The following PSMB9 variants were observed in gnomAD, a reference collection of about 807,000 sequenced individuals.
PSMB9 encodes proteasome subunit beta type-9.
In PSMB9, 16 loss-of-function variants were observed where a neutral mutation model predicts 26.9. The ratio of observed to expected loss-of-function variants is 0.59; its 90% confidence interval spans 0.40 to 0.90. The LOEUF (loss-of-function observed/expected upper bound fraction) is 0.90. Ranked by LOEUF, PSMB9 falls within the 40% of genes least tolerant of loss-of-function variation. PSMB9 has a pLI of 0.00. For missense variants in PSMB9, 253 were observed against 292.2 expected, an observed-to-expected ratio of 0.87 and a Z score of 0.98; for synonymous variants, 91 against 112.0, an observed-to-expected ratio of 0.81 and a Z score of 1.18.
Position 32,859,577 on chromosome 6 carries a change from G to A in PSMB9, c.*45G>A, listed in dbSNP as rs201336055. On this transcript the variant is annotated 3_prime_UTR_variant, in exon 6 of 6. Coordinates refer to ENST00000374859, the MANE Select transcript of PSMB9 (RefSeq NM_002800.5). ...TTCTTATTTTGTAATAAACTCTCTA[G>A]GGCCAAAACCTGGTATGGTCATTGG... The A allele has an allele frequency of 1.3e-6, 2 of 1,594,960 alleles. No homozygotes were observed. Among genetic ancestry groups the A allele is most frequent in the African/African-American group, 1.3e-5 (1 of 74,596 alleles).
chr6:32,857,190 G>T (rs1771195379), intron 2 of PSMB9, 73 bp from the exon 3 acceptor site: 1 of 1,441,226 alleles, frequency 6.9e-7, no homozygotes. Flanking sequence ...GACAGAGTGA[G>T]ACTGTCTCAA....
In PSMB9 at chr6:32,858,602, T is replaced by G. The variant is rs2127399689; in HGVS notation, c.532+97T>G. ...GGAAGAGAAATACAGGGGTGGCCAT[T>G]TAAGTTAATGCCGGGCCTGGTACAC... On this transcript the variant is annotated intron_variant, in intron 5 of 5. Coordinates refer to ENST00000374859, the MANE Select transcript of PSMB9 (RefSeq NM_002800.5). The surrounding 1 kb of genome is among the most constrained non-coding windows in gnomAD (Gnocchi z 5.2). 1 of 1,515,748 alleles carries G rather than the reference T, an allele frequency of 6.6e-7. No homozygotes were observed. Among genetic ancestry groups the G allele is most frequent in the East Asian group, 2.3e-5 (1 of 44,138 alleles). The allele number at this position is 1,515,748 out of a possible 1,614,324, so 93.9% of individuals were successfully genotyped here.
Position 32,858,230 on chromosome 6 carries a change from G to A in PSMB9, c.390+96G>A. On this transcript the variant is annotated intron_variant, in intron 4 of 5. Transcript: ENST00000374859. This position sits in a 1 kb window ranked among gnomAD's most constrained non-coding sequence, Gnocchi z 5.2. ...TGTCATTCTAGCAATGAGTTCCAAGGACACTACCTCTGAAAGCATAGTACT... is the reference window on the plus strand; with the variant it reads ...TGTCATTCTAGCAATGAGTTCCAAGAACACTACCTCTGAAAGCATAGTACT... 6.3e-7 allele frequency: 1 copy of A among 1,595,432 alleles called. No homozygotes were observed.
At position 32,858,216 on chromosome 6, in the gene PSMB9, C is replaced by T; in HGVS notation, c.390+82C>T. On this transcript the variant is annotated intron_variant, in intron 4 of 5. Coordinates refer to ENST00000374859, the MANE Select transcript of PSMB9 (RefSeq NM_002800.5). This position sits in a 1 kb window ranked among gnomAD's most constrained non-coding sequence, Gnocchi z 5.2. ...AGATGGAAGTCCTATGTCATTCTAG[C>T]AATGAGTTCCAAGGACACTACCTCT... is the stretch of plus-strand genomic sequence containing the variant. 1.2e-5 allele frequency: 19 copies of T among 1,597,208 alleles called. No individual in the cohort carries two copies. In the South Asian group the frequency reaches 2.1e-4, roughly 18 times the overall value.
Position 32,858,992 on chromosome 6 carries a change from T to C in PSMB9, c.533-413T>C, listed in dbSNP as rs1164746373. The C allele has an allele frequency of 4.4e-6, 1 of 226,886 alleles. No homozygotes were observed. Among genetic ancestry groups the C allele is most frequent in the Non-Finnish European group, 8.6e-6 (1 of 116,078 alleles). The allele number at this position is 226,886 out of a possible 1,614,324, so 14.1% of individuals were successfully genotyped here. Reference sequence around the variant, plus strand: ...ATCTGAGCCGGGGAGATCAAGGCTGTAGTGAGCGGTGATTGCACCACTGCG... The same window carrying C: ...ATCTGAGCCGGGGAGATCAAGGCTGCAGTGAGCGGTGATTGCACCACTGCG... On this transcript the variant is annotated intron_variant, in intron 5 of 5. Transcript: ENST00000374859. This position sits in a 1 kb window ranked among gnomAD's most constrained non-coding sequence, Gnocchi z 5.2.
chr6:32,857,442 A>G (rs368132227), intron 3 of PSMB9, 48 bp downstream of exon 3: 94 of 1,588,550 alleles, frequency 5.9e-5, no homozygotes, highest in Non-Finnish European at 7.6e-5. Flanking sequence ...AGCTCCCCCA[A>G]CCTGCATGAA....
chr6:32,859,648 C>T lies in PSMB9; in HGVS notation c.*116C>T. ...TGGAGCTTAGGGGAGGTGGGTGCTT[C>T]CCTCCTAGATGTCAGCATACACTCT... On this transcript the variant is annotated 3_prime_UTR_variant, in exon 6 of 6. Transcript: ENST00000374859. 8.0e-7 allele frequency: 1 copy of T among 1,247,894 alleles called. No individual in the cohort carries two copies. The highest frequency in any genetic ancestry group is 1.5e-5 in the South Asian group (1 of 68,278). The allele number at this position is 1,247,894 out of a possible 1,614,324, so 77.3% of individuals were successfully genotyped here. A position where few individuals can be genotyped will look rare whatever the true frequency, so the allele number is the denominator to read the frequency against.
intron 3 of PSMB9, chr6:32,857,800 G>A: frequency 1.6e-6 from 1 of 626,196 alleles, no homozygotes; most frequent in Non-Finnish European, 2.7e-6. Context: ...TATGTGGGTG[G>A]GGCTGAGCAA....
rs1771298036 is a variant in PSMB9 at position 32,858,921 on chromosome 6, G to A, written c.532+416G>A. On this transcript the variant is annotated intron_variant, in intron 5 of 5. Transcript: ENST00000374859. This position sits in a 1 kb window ranked among gnomAD's most constrained non-coding sequence, Gnocchi z 5.2. Reference sequence around the variant, plus strand: ...AAAAAAATGAACTGGGCATAGTGGTGCACACCTGTAGTCCCAGCTACTCAG... The same window carrying A: ...AAAAAAATGAACTGGGCATAGTGGTACACACCTGTAGTCCCAGCTACTCAG... The A allele has an allele frequency of 1.6e-5, 5 of 304,644 alleles. No individual in the cohort carries two copies. Among genetic ancestry groups the A allele is most frequent in the South Asian group, 1.3e-4 (4 of 30,094 alleles). 18.9% of individuals were successfully genotyped at this position (304,644 alleles called of 1,614,324 possible). A position where few individuals can be genotyped will look rare whatever the true frequency, so the allele number is the denominator to read the frequency against.
At position 32,854,332 on chromosome 6, in the gene PSMB9, A is replaced by G; in HGVS notation, c.60+43A>G. The G allele has an allele frequency of 3.5e-6, 5 of 1,434,390 alleles. No individual in the cohort carries two copies. In the South Asian group the frequency reaches 5.8e-5, roughly 17 times the overall value. The allele number at this position is 1,434,390 out of a possible 1,614,324, so 88.9% of individuals were successfully genotyped here. On this transcript the variant is annotated intron_variant, in intron 1 of 5. Coordinates refer to ENST00000374859, the MANE Select transcript of PSMB9 (RefSeq NM_002800.5). This position sits in a 1 kb window ranked among gnomAD's most constrained non-coding sequence, Gnocchi z 4.6. ...GAGGGTTGGCAGAGGGGTGGAGGAG[A>G]TGCAGCGGCCAGGGGACCCTGGAAG...
chr6:32,857,268 C>A lies in PSMB9; in HGVS notation c.134C>A (p.Ala45Glu). Residue 45 changes from alanine to glutamate, a missense_variant, in exon 3 of 6, where the codon GCG becomes GAG. Coordinates refer to ENST00000374859, the MANE Select transcript of PSMB9 (RefSeq NM_002800.5). ...TGTTGACTCCCTCCTGACAGCGAGGCGGTGGTGAACCGAGTGTTTGACAAG... is the reference window on the plus strand; with the variant it reads ...TGTTGACTCCCTCCTGACAGCGAGGAGGTGGTGAACCGAGTGTTTGACAAG... ...GSDSRVSAGE[A>E]VVNRVFDKLS... 6.3e-7 allele frequency: 1 copy of A among 1,598,154 alleles called. No individual in the cohort carries two copies. Among genetic ancestry groups the A allele is most frequent in the South Asian group, 1.1e-5 (1 of 89,750 alleles).
intron 2 of PSMB9, chr6:32,856,693 A>C (rs1231628397): frequency 6.4e-6 from 1 of 156,402 alleles, no homozygotes; most frequent in African/African-American, 2.4e-5. Flanking sequence ...GTTAATAGCA[A>C]AGAAAATTGA....
chr6:32,857,116 C>T (rs2127398248), intron 2 of PSMB9, 147 bp from the exon 3 acceptor site: 3 of 807,654 alleles, frequency 3.7e-6, no homozygotes, highest in Non-Finnish European at 5.3e-6. Flanking sequence ...AGGAGAATCA[C>T]TTGAACCAGG....
intron 2 of PSMB9, chr6:32,856,555 T>C (rs1383701039): frequency 8.6e-6 from 2 of 232,246 alleles, no homozygotes; most frequent in East Asian, 1.8e-4. Context: ...GTTTCTCATT[T>C]ACCATATATT....
chr6:32,857,872 A>C, intron 3 of PSMB9, 133 bp from the exon 4 acceptor site: 2 of 1,011,242 alleles, frequency 2.0e-6, no homozygotes, highest in Non-Finnish European at 2.9e-6. Flanking sequence ...TCCCCTGTAC[A>C]TGTGGGAGGG....
chr6:32,859,700 A>G lies in PSMB9; in HGVS notation c.*168A>G, dbSNP rs1771370986. ...TCTTCTTTTGTCCCAGGTCTAAAAC[A>G]TCTTTCCTAGAGAAAACAAAAGGGA... On this transcript the variant is annotated 3_prime_UTR_variant, in exon 6 of 6. Coordinates refer to ENST00000374859, the MANE Select transcript of PSMB9 (RefSeq NM_002800.5). 1 of 792,356 alleles carries G rather than the reference A, an allele frequency of 1.3e-6. No homozygotes were observed. Among genetic ancestry groups the G allele is most frequent in the South Asian group, 2.1e-5 (1 of 47,150 alleles). 49.1% of individuals were successfully genotyped at this position (792,356 alleles called of 1,614,324 possible). A position where few individuals can be genotyped will look rare whatever the true frequency, so the allele number is the denominator to read the frequency against.
intron 5 of PSMB9, among the ~76,000 whole-genome samples, 197 bp from the exon 6 acceptor site, chr6:32,859,208 C>T (rs9276816): frequency 0.42 from 63,636 of 152,016 alleles, 13,459 homozygotes; most frequent in Middle Eastern, 0.51. Flanking sequence ...ATTTACACCA[C>T]GGACATCAGC....
chr6:32,858,087 T>C lies in PSMB9; in HGVS notation c.343T>C (p.Ser115Pro). 2.5e-6 allele frequency: 4 copies of C among 1,613,104 alleles called. No individual in the cohort carries two copies. The highest frequency in any genetic ancestry group is 3.4e-6 in the Non-Finnish European group (4 of 1,180,032). ...CAGCTATAAATATCGAGAGGACTTG[T>C]CTGCACATCTCATGGTAGCTGGCTG... ...NISYKYREDL[S>P]AHLMVAGWDQ... Residue 115 changes from serine to proline, a missense_variant, in exon 4 of 6, where the codon TCT becomes CCT. Coordinates refer to ENST00000374859, the MANE Select transcript of PSMB9 (RefSeq NM_002800.5). The surrounding 1 kb of genome is among the most constrained non-coding windows in gnomAD (Gnocchi z 5.2).
chr6:32,855,034 T>G (rs1771089478), intron 1 of PSMB9, among the ~76,000 whole-genome samples: 1 of 152,252 alleles, frequency 6.6e-6, no homozygotes, highest in African/African-American at 2.4e-5. Flanking sequence ...GAATAGCCTC[T>G]AACTTGAAGT....
Sources: allele counts gnomAD v4.1 joint callset (sites outside exome capture counted in the v4.1 genomes callset), GRCh38; gene constraint gnomAD v4.1.1; non-coding constraint Gnocchi (gnomAD v3.1); transcripts MANE v1.5; gene names NCBI Gene and HGNC (gene_info 2026-07-23, HGNC 2026-07-21).